The following LRRC4C variants were observed in gnomAD, a reference collection of about 807,000 sequenced individuals.
The protein encoded by LRRC4C is leucine rich repeat containing 4C, also known as leucine-rich repeat-containing protein 4C.
LRRC4C carries 5 observed loss-of-function variants against 33.6 expected under a neutral mutation model. The ratio of observed to expected loss-of-function variants is 0.15; its 90% confidence interval spans 0.08 to 0.31. LRRC4C has a LOEUF of 0.31. Among genes scored for constraint, LRRC4C ranks in the 10% least tolerant of loss-of-function variants. LRRC4C has a pLI of 1.00. For missense variants in LRRC4C, 560 were observed against 796.7 expected (o/e 0.70, Z 3.58); for synonymous variants, 329 against 302.0 (o/e 1.09, Z -0.93).
chr11:40,919,307 G>A (rs1160686439), intron 2 of LRRC4C, among the ~76,000 whole-genome samples: 39 of 152,088 alleles, frequency 2.6e-4, no homozygotes, highest in Admixed American at 2.6e-3. Context: ...AACTTTTAAA[G>A]TCGTGCATGT....
intron 4 of LRRC4C, among the ~76,000 whole-genome samples, chr11:40,287,329 GCTT>G (rs1943913470): frequency 6.6e-6 from 1 of 150,728 alleles, no homozygotes; most frequent in African/African-American, 2.4e-5. Flanking sequence ...TTGTTACTAA[GCTT>G]CTATAAATTC....
At chr11:40,124,924 T>G (rs1256093903) in intron 6 of LRRC4C, among the ~76,000 whole-genome samples, 1 of 152,028 alleles carries the variant, frequency 6.6e-6, no homozygotes, top group Non-Finnish European at 1.5e-5. Flanking sequence ...CCCATAAATA[T>G]ATACACCTAC....
chr11:40,637,092 T>C (rs1941798122), intron 3 of LRRC4C, among the ~76,000 whole-genome samples: 1 of 152,266 alleles, frequency 6.6e-6, no homozygotes, highest in Non-Finnish European at 1.5e-5. Context: ...ACTCAGATTC[T>C]TTAGTTTCTC....
intron 1 of LRRC4C, among the ~76,000 whole-genome samples, chr11:41,093,241 C>T (rs1040204502): frequency 2.6e-5 from 4 of 152,282 alleles, no homozygotes; most frequent in African/African-American, 7.2e-5. Flanking sequence ...GTATGCAAAA[C>T]AGACACATGT....
chr11:41,143,481 C>A (rs1433984661), intron 1 of LRRC4C, among the ~76,000 whole-genome samples: 3 of 152,060 alleles, frequency 2.0e-5, no homozygotes, highest in Non-Finnish European at 4.4e-5. Context: ...TTGAATGAAT[C>A]CAACCAAAAT....
At chr11:41,202,722 G>C (rs994376068) in intron 1 of LRRC4C, among the ~76,000 whole-genome samples, 2 of 151,752 alleles carry the variant, frequency 1.3e-5, no homozygotes. Flanking sequence ...ATGCTATAAA[G>C]ACAAAATTTC....
chr11:41,109,311 C>T (rs1376822978), intron 1 of LRRC4C, among the ~76,000 whole-genome samples: 1 of 151,956 alleles, frequency 6.6e-6, no homozygotes, highest in Non-Finnish European at 1.5e-5. Flanking sequence ...AGCTCTCATG[C>T]CTTCACTGTT....
intron 1 of LRRC4C, among the ~76,000 whole-genome samples, chr11:41,241,483 T>A (rs1375896149): frequency 6.6e-6 from 1 of 152,026 alleles, no homozygotes; most frequent in Non-Finnish European, 1.5e-5. Flanking sequence ...TCAAAAGAGA[T>A]GTAATATACT....
chr11:40,604,076 TAGAA>T (rs1026878053), intron 3 of LRRC4C, among the ~76,000 whole-genome samples: 12 of 152,140 alleles, frequency 7.9e-5, no homozygotes, highest in Middle Eastern at 3.4e-3. Context: ...CACATACAGA[TAGAA>T]AGAAAGAGAA....
At chr11:40,139,040 G>T (rs1167131132) in intron 6 of LRRC4C, among the ~76,000 whole-genome samples, 1 of 152,168 alleles carries the variant, frequency 6.6e-6, no homozygotes, top group Non-Finnish European at 1.5e-5. Flanking sequence ...GAGCCCATTT[G>T]AGTATTATTG....
chr11:40,437,589 T>A (rs1331047190), intron 3 of LRRC4C, among the ~76,000 whole-genome samples: 3 of 151,972 alleles, frequency 2.0e-5, no homozygotes, highest in African/African-American at 4.8e-5. Context: ...AGACTCGGTT[T>A]CTCCATGTTG....
intron 1 of LRRC4C, among the ~76,000 whole-genome samples, chr11:41,034,279 A>G (rs1856898784): frequency 6.6e-6 from 1 of 151,804 alleles, no homozygotes; most frequent in Non-Finnish European, 1.5e-5. Flanking sequence ...CCATGTTATT[A>G]TGAAGCAAGA....
intron 2 of LRRC4C, among the ~76,000 whole-genome samples, chr11:40,656,472 C>T (rs1277335092): frequency 6.9e-6 from 1 of 144,354 alleles, no homozygotes; most frequent in African/African-American, 2.6e-5. Flanking sequence ...AAGTGGGTCA[C>T]TTTTTTTTTT....
At chr11:40,660,529 T>C (rs187152600) in intron 2 of LRRC4C, among the ~76,000 whole-genome samples, 1 of 152,354 alleles carries the variant, frequency 6.6e-6, no homozygotes, top group East Asian at 1.9e-4. Context: ...ATGGCTTTAG[T>C]TCCATTCTAA....
intron 3 of LRRC4C, among the ~76,000 whole-genome samples, chr11:40,338,373 G>T (rs376111196): frequency 6.6e-6 from 1 of 152,300 alleles, no homozygotes; most frequent in Admixed American, 6.5e-5. Context: ...TTATGCATAT[G>T]ACTCTCCATG....
intron 1 of LRRC4C, among the ~76,000 whole-genome samples, chr11:41,072,992 C>G (rs1047102184): frequency 2.0e-5 from 3 of 152,050 alleles, no homozygotes; most frequent in African/African-American, 7.2e-5. Flanking sequence ...GTGATCTGCC[C>G]AATATTATGT....
chr11:41,242,366 T>G (rs1300034956), intron 1 of LRRC4C, among the ~76,000 whole-genome samples: 2 of 152,126 alleles, frequency 1.3e-5, no homozygotes, highest in African/African-American at 4.8e-5. Context: ...GCTTTGAAAT[T>G]TTTCATGAGA....
At chr11:40,869,529 G>A (rs1006673043) in intron 2 of LRRC4C, among the ~76,000 whole-genome samples, 3 of 152,062 alleles carry the variant, frequency 2.0e-5, no homozygotes, top group African/African-American at 7.2e-5. Context: ...TCAGGAGTTG[G>A]GTGAGTGGGC....
intron 3 of LRRC4C, among the ~76,000 whole-genome samples, chr11:40,611,080 A>C (rs996831187): frequency 2.6e-5 from 4 of 151,904 alleles, no homozygotes; most frequent in African/African-American, 9.7e-5. Flanking sequence ...CAATCTTGAA[A>C]AGAAGGTTGA....
Sources: allele counts gnomAD v4.1 joint callset (sites outside exome capture counted in the v4.1 genomes callset), GRCh38; gene constraint gnomAD v4.1.1; transcripts MANE v1.5; gene names NCBI Gene and HGNC (gene_info 2026-07-23, HGNC 2026-07-21).